The following POC1A variants were observed in gnomAD, a reference collection of about 807,000 sequenced individuals.
The protein encoded by POC1A is POC1 centriolar protein homolog A.
In POC1A, 34 loss-of-function variants were observed where a neutral mutation model predicts 47.8. The ratio of observed to expected loss-of-function variants is 0.71; its 90% CI spans 0.54 to 0.95. The LOEUF is 0.95. POC1A is among the 40% of genes least tolerant of loss of function. The pLI, the probability that POC1A is intolerant of heterozygous loss-of-function variation, is 0.00. For synonymous variants in POC1A, 177 were observed against 207.6 expected (o/e 0.85, Z 1.27); for missense variants, 466 against 528.3 (o/e 0.88, Z 1.16).
intron 5 of POC1A, 56 bp downstream of exon 5, chr3:52,146,932 G>T: frequency 7.0e-7 from 1 of 1,426,930 alleles, no homozygotes; most frequent in Non-Finnish European, 9.9e-7. Flanking sequence ...CTCATGCCCA[G>T]GTCTGTGCTC....
chr3:52,146,412 A>T (rs907327716), intron 5 of POC1A, among the ~76,000 whole-genome samples: 1 of 152,184 alleles, frequency 6.6e-6, no homozygotes, highest in African/African-American at 2.4e-5. Flanking sequence ...CACCACACCC[A>T]TATGTGATAC....
intron 9 of POC1A, among the ~76,000 whole-genome samples, chr3:52,115,683 A>G (rs1389208819): frequency 2.0e-5 from 3 of 152,120 alleles, no homozygotes; most frequent in African/African-American, 4.8e-5. Flanking sequence ...AGATCTAGCT[A>G]GCCCCTTCCA....
At position 52,106,877 on chromosome 3, in the gene POC1A, C is replaced by G. The variant is rs190645201; in HGVS notation, c.982-10165G>C. Among the ~76,000 whole-genome samples the G allele has an allele frequency of 9.9e-4, 151 of 152,386 alleles. No individual in the cohort carries two copies. In the Middle Eastern group the frequency reaches 0.01, roughly 10 times the overall value. On this transcript the variant is annotated intron_variant, in intron 9 of 10. Transcript: ENST00000296484. Reference sequence around the variant, plus strand: ...AATCTGCTGACTCCCCAGCCTCTCTCTGCAAGCATTTCCAAGAATTTTCCC... The same window carrying G: ...AATCTGCTGACTCCCCAGCCTCTCTGTGCAAGCATTTCCAAGAATTTTCCC...
Position 52,079,580 on chromosome 3 carries a change from C to T in POC1A, c.1126-3595G>A, listed in dbSNP as rs1404793539. Among the ~76,000 whole-genome samples the T allele has an allele frequency of 6.6e-6, 1 of 152,198 alleles. No individual in the cohort carries two copies. The highest frequency in any genetic ancestry group is 1.5e-5 in the Non-Finnish European group (1 of 68,040). ...TGTGCTCTGTACAGGGGAGCAGGGG[C>T]CAGAGGTCTGGTCCTAGCCCCTCAG... is the stretch of plus-strand genomic sequence containing the variant. On this transcript the variant is annotated intron_variant, in intron 10 of 10. Transcript: ENST00000296484. This position sits in a 1 kb window ranked among gnomAD's most constrained non-coding sequence, Gnocchi z 4.6.
At chr3:52,124,705 T>C (rs549727295) in intron 8 of POC1A, among the ~76,000 whole-genome samples, 5 of 152,302 alleles carry the variant, frequency 3.3e-5, no homozygotes, top group African/African-American at 1.2e-4. Context: ...GTCACGAGAA[T>C]TAAATGAGGT....
In POC1A at chr3:52,095,370, T is replaced by C. The variant is rs543961463; in HGVS notation, c.1125+1199A>G. Among the ~76,000 whole-genome samples the C allele has an allele frequency of 9.7e-4, 148 of 152,310 alleles. 1 individual carries two copies. The highest frequency in any genetic ancestry group is 1.7e-3 in the Non-Finnish European group (115 of 68,024). ...GTGTGCCATCCCAGCTGGGCTATGA[T>C]GACACACCCTGGAAGAGCTTTTCTC... On this transcript the variant is annotated intron_variant, in intron 10 of 10. Transcript: ENST00000296484.
intron 9 of POC1A, among the ~76,000 whole-genome samples, chr3:52,106,424 G>A (rs1325723950): frequency 6.6e-6 from 1 of 152,212 alleles, no homozygotes; most frequent in Non-Finnish European, 1.5e-5. Flanking sequence ...TCATGAGGCT[G>A]AGATGGGAGG....
chr3:52,086,042 A>G (rs1345625786), intron 10 of POC1A, among the ~76,000 whole-genome samples: 1 of 152,022 alleles, frequency 6.6e-6, no homozygotes, highest in African/African-American at 2.4e-5. Flanking sequence ...CTGCTTCTTT[A>G]AGTTCTCCTG....
At position 52,151,107 on chromosome 3, in the gene POC1A, G is replaced by C; in HGVS notation, c.19-7C>G. On this transcript the variant is annotated splice_region_variant and splice_polypyrimidine_tract_variant and intron_variant, in intron 1 of 10. Coordinates refer to ENST00000296484, the MANE Select transcript of POC1A (RefSeq NM_015426.5). ...TTTCCAGCGAGGGGTCCTCCTGAGA[G>C]AGAGCCAGGGTCAAATGTGTGAAGC... The C allele has an allele frequency of 6.2e-7, 1 of 1,613,630 alleles. No homozygotes were observed. Among genetic ancestry groups the C allele is most frequent in the Non-Finnish European group, 8.5e-7 (1 of 1,179,748 alleles).
chr3:52,090,687 C>T lies in POC1A; in HGVS notation c.1125+5882G>A, dbSNP rs936639361. ...GTTTTCCGGCATCTGTGAAAAAGAC[C>T]CCTAGATCACCTGGCATCACCCCCA... On this transcript the variant is annotated intron_variant, in intron 10 of 10. Coordinates refer to ENST00000296484, the MANE Select transcript of POC1A (RefSeq NM_015426.5). This position sits in a 1 kb window ranked among gnomAD's most constrained non-coding sequence, Gnocchi z 4.2. Among the ~76,000 whole-genome samples, 5 of 152,138 alleles carry T rather than the reference C, an allele frequency of 3.3e-5. No individual in the cohort carries two copies. Among genetic ancestry groups the T allele is most frequent in the Admixed American group, 6.5e-5 (1 of 15,284 alleles).
intron 9 of POC1A, among the ~76,000 whole-genome samples, chr3:52,119,585 G>A (rs541361758): frequency 3.0e-4 from 45 of 152,048 alleles, no homozygotes; most frequent in African/African-American, 9.2e-4. Flanking sequence ...TTGTAGAGAC[G>A]AGATCTTGCT....
At chr3:52,089,748 G>A (rs780291430) in intron 10 of POC1A, among the ~76,000 whole-genome samples, 2 of 152,226 alleles carry the variant, frequency 1.3e-5, no homozygotes, top group Non-Finnish European at 2.9e-5. Context: ...TGGGAGGACC[G>A]ATCCCCATGG....
intron 10 of POC1A, among the ~76,000 whole-genome samples, chr3:52,092,981 C>T (rs1702695119): frequency 6.6e-6 from 1 of 152,168 alleles, no homozygotes; most frequent in Non-Finnish European, 1.5e-5. Context: ...TTTGTCTCAT[C>T]GCCCCTGGGA....
At chr3:52,141,307 C>T (rs1034839140) in intron 6 of POC1A, among the ~76,000 whole-genome samples, 1 of 152,242 alleles carries the variant, frequency 6.6e-6, no homozygotes, top group Non-Finnish European at 1.5e-5. Context: ...CAGCCAAGGG[C>T]CCAGAGAAAG....
intron 9 of POC1A, among the ~76,000 whole-genome samples, chr3:52,118,116 C>T (rs754315205): frequency 1.3e-5 from 2 of 152,186 alleles, no homozygotes; most frequent in Admixed American, 1.3e-4. Context: ...CCCTTGCCCA[C>T]CCTCAAGCCC....
intron 7 of POC1A, among the ~76,000 whole-genome samples, chr3:52,129,578 GC>G (rs1312895882): frequency 1.3e-5 from 2 of 152,182 alleles, no homozygotes; most frequent in Non-Finnish European, 2.9e-5. Context: ...ATGCCGGCCT[GC>G]CCCCAGCTAC....
chr3:52,078,178 C>G (rs1702175934), intron 10 of POC1A, among the ~76,000 whole-genome samples: 1 of 152,162 alleles, frequency 6.6e-6, no homozygotes, highest in Admixed American at 6.5e-5. Context: ...TTGGTCTCAG[C>G]TTCCCCTGTT....
chr3:52,137,792 A>T (rs1006350113), intron 7 of POC1A, among the ~76,000 whole-genome samples: 3 of 152,136 alleles, frequency 2.0e-5, no homozygotes. Context: ...CTCTAGACAC[A>T]CTGATGTCTG....
intron 6 of POC1A, among the ~76,000 whole-genome samples, chr3:52,142,787 G>T (rs1698240178): frequency 6.6e-6 from 1 of 152,158 alleles, no homozygotes; most frequent in African/African-American, 2.4e-5. Context: ...CCTGGGGAAT[G>T]AGCCTCCAAA....
Sources: gnomAD v4.1 joint callset for allele counts (sites outside exome capture counted in the v4.1 genomes callset) on GRCh38, gnomAD v4.1.1 for gene constraint, Gnocchi (gnomAD v3.1) non-coding constraint, MANE v1.5 for transcripts, NCBI Gene and HGNC (gene_info 2026-07-23, HGNC 2026-07-21) for gene names.